RYR2: variants seen among roughly 807,000 people sequenced by gnomAD.
RYR2 encodes the protein ryanodine receptor 2.
Under a neutral mutation model 601.1 loss-of-function variants are expected in RYR2, and 227 were observed. The observed-to-expected ratio is 0.38, with a 90% CI of 0.34 to 0.42. The LOEUF (loss-of-function observed/expected upper bound fraction) is 0.42, where lower values mean the gene tolerates loss of function less well. Among genes scored for constraint, RYR2 ranks in the 10% least tolerant of loss-of-function variants. The pLI, the probability that RYR2 is intolerant of heterozygous loss-of-function variation, is 1.00. For missense variants in RYR2, 4,646 were observed against 6,156.5 expected (o/e 0.75, Z 8.21); for synonymous variants, 2,223 against 2,175.1 (o/e 1.02, Z -0.61).
chr1:237,792,600 T>G (rs1186118304), intron 94 of RYR2, among the ~76,000 whole-genome samples: 1 of 152,168 alleles, frequency 6.6e-6, no homozygotes, highest in Non-Finnish European at 1.5e-5. Flanking sequence ...AAAGCTGGGA[T>G]GCCCCTTCAG....
In RYR2 at chr1:237,480,222, C is replaced by T. The variant is rs530838127; in HGVS notation, c.1708+11035C>T. 2.8e-4 allele frequency among the ~76,000 whole-genome samples: 42 copies of T among 151,836 alleles called. No individual in the cohort carries two copies. In the South Asian group the frequency reaches 7.9e-3, roughly 29 times the overall value. On this transcript the variant is annotated intron_variant, in intron 17 of 104. Transcript: ENST00000366574. ...TCAGTTGGGGTCAGGAGTTTGAGAC[C>T]GTCCTGGCCCACATGGTGAAACCTC...
intron 1 of RYR2, among the ~76,000 whole-genome samples, chr1:237,181,189 G>T (rs1209135325): frequency 6.6e-6 from 1 of 151,824 alleles, no homozygotes; most frequent in African/African-American, 2.4e-5. Context: ...TTACCATTTT[G>T]CCCAGGCTGG....
chr1:237,387,343 C>A lies in RYR2; in HGVS notation c.639C>A (p.Ser213Arg), dbSNP rs375180398. ...VDAAFQQTLW[S>R]VAPISSGSEA... ...CCGCTTTCCAGCAGACTCTCTGGAG[C>A]GTGGCCCCAATCAGCTCAGGAAGTG... The change falls in exon 9 of 105, where the codon AGC becomes AGA. Residue 213 changes from serine to arginine, a missense_variant. By Grantham distance (110) the Ser-to-Arg change is moderately radical. Transcript: ENST00000366574. The A allele has an allele frequency of 2.5e-6, 4 of 1,613,964 alleles. No homozygotes were observed. Among genetic ancestry groups the A allele is most frequent in the Non-Finnish European group, 3.4e-6 (4 of 1,179,870 alleles).
chr1:237,716,193 T>C (rs147992060), intron 71 of RYR2, among the ~76,000 whole-genome samples: 1,604 of 152,246 alleles, frequency 0.011, 18 homozygotes, highest in Middle Eastern at 0.017. Context: ...CTTGTTTCAC[T>C]ACTTTCACTA....
rs869177997 is a variant in RYR2, at chr1:237,123,650, ATTTTTTT to A, written c.48+81103_48+81109del. Among the ~76,000 whole-genome samples, 6 of 78,966 alleles carry A rather than the reference ATTTTTTT, an allele frequency of 7.6e-5. No homozygotes were observed. In the South Asian group the frequency reaches 2.1e-3, roughly 28 times the overall value. The allele number at this position is 78,966 out of a possible 152,430, so 51.8% of individuals were successfully genotyped here. On this transcript the variant is annotated intron_variant, in intron 1 of 104. Coordinates refer to ENST00000366574, the MANE Select transcript of RYR2 (RefSeq NM_001035.3). ...TTCTCCTTTGATCCTATCAGTCACT[ATTTTTTT>A]TTTTTTTTTTTTTTTTTTTTTGAGA...
rs527373828 is a variant in RYR2, at chr1:237,345,676, A to T, written c.274-10289A>T. The stretch of plus-strand genomic sequence containing the variant: ...GATTTCTTTCCTTATATTTATTGTG[A>T]TGACTTTTTAATCATACATTTAAAC... On this transcript the variant is annotated intron_variant, in intron 3 of 104. Transcript: ENST00000366574. 1.3e-3 allele frequency among the ~76,000 whole-genome samples: 196 copies of T among 152,178 alleles called. 1 individual carries two copies. The highest frequency in any genetic ancestry group is 4.5e-3 in the African/African-American group (188 of 41,548).
chr1:237,395,492 C>T (rs1459605648), intron 10 of RYR2, among the ~76,000 whole-genome samples: 2 of 148,666 alleles, frequency 1.3e-5, no homozygotes, highest in South Asian at 2.1e-4. Context: ...TACACGAACA[C>T]AACCAAACTT....
In RYR2 at chr1:237,499,520, G is replaced by T. The variant is rs1293501417; in HGVS notation, c.2204-1191G>T. Among the ~76,000 whole-genome samples, 4 of 152,050 alleles carry T rather than the reference G, an allele frequency of 2.6e-5. No individual in the cohort carries two copies. In the East Asian group the frequency reaches 5.8e-4, roughly 22 times the overall value. On this transcript the variant is annotated intron_variant, in intron 20 of 104. Transcript: ENST00000366574. ...AACATCGCTATTAGCTACAGATCAT[G>T]GTACAAACAAGAAACTAGACCTTTT... is the stretch of plus-strand genomic sequence containing the variant.
At chr1:237,728,273 G>A (rs147793281) in intron 76 of RYR2, among the ~76,000 whole-genome samples, 33 of 152,128 alleles carry the variant, frequency 2.2e-4, no homozygotes, top group Non-Finnish European at 4.4e-4. Flanking sequence ...TCTTGCCATC[G>A]TGTCACACTC....
intron 1 of RYR2, among the ~76,000 whole-genome samples, chr1:237,070,112 C>A (rs1037372418): frequency 6.7e-6 from 1 of 150,236 alleles, no homozygotes; most frequent in African/African-American, 2.5e-5. Context: ...CTCACTGCAG[C>A]CTTGACCTCC....
intron 1 of RYR2, among the ~76,000 whole-genome samples, chr1:237,229,976 CT>C (rs1406396803): frequency 3.3e-5 from 5 of 152,262 alleles, no homozygotes; most frequent in East Asian, 3.9e-4. Context: ...ATAGCCCCCC[CT>C]TTTTTTATAT....
At chr1:237,672,813 T>A (rs923295685) in intron 58 of RYR2, among the ~76,000 whole-genome samples, 1 of 152,242 alleles carries the variant, frequency 6.6e-6, no homozygotes, top group Non-Finnish European at 1.5e-5. Context: ...TTGTGCTTGA[T>A]ATTATTAATA....
intron 67 of RYR2, among the ~76,000 whole-genome samples, chr1:237,706,669 A>G (rs889611754): frequency 1.3e-5 from 2 of 152,196 alleles, no homozygotes; most frequent in Non-Finnish European, 2.9e-5. Context: ...CTTGTAGGTC[A>G]TGAGAGCAGC....
intron 1 of RYR2, among the ~76,000 whole-genome samples, chr1:237,254,857 A>T (rs1687794413): frequency 6.6e-6 from 1 of 152,198 alleles, no homozygotes; most frequent in Admixed American, 6.5e-5. Flanking sequence ...ACTTGCTTTC[A>T]TCTCTGAATA....
At chr1:237,209,841 G>A (rs941613194) in intron 1 of RYR2, among the ~76,000 whole-genome samples, 14 of 152,226 alleles carry the variant, frequency 9.2e-5, no homozygotes, top group Non-Finnish European at 1.6e-4. Flanking sequence ...AGGTGACAGA[G>A]CAAGATCTTG....
intron 1 of RYR2, among the ~76,000 whole-genome samples, chr1:237,243,709 G>A (rs377596250): frequency 1.8e-4 from 27 of 152,340 alleles, no homozygotes; most frequent in African/African-American, 6.3e-4. Context: ...TGGGGCAGGT[G>A]AAAGGAGGGA....
At chr1:237,734,538 G>A (rs1482550464) in intron 79 of RYR2, among the ~76,000 whole-genome samples, 2 of 152,208 alleles carry the variant, frequency 1.3e-5, no homozygotes, top group Non-Finnish European at 1.5e-5. Flanking sequence ...TGGCATAGTA[G>A]TGAGGTCTGC....
intron 47 of RYR2, among the ~76,000 whole-genome samples, chr1:237,642,417 A>G (rs569493129): frequency 6.6e-6 from 1 of 152,344 alleles, no homozygotes; most frequent in South Asian, 2.1e-4. Flanking sequence ...GCTGGAGGTG[A>G]TTACTGACAA....
At chr1:237,535,484 T>TACACATAC (rs1553488498) in intron 25 of RYR2, among the ~76,000 whole-genome samples, 11 of 144,634 alleles carry the variant, frequency 7.6e-5, no homozygotes, top group African/African-American at 1.0e-4. Context: ...CAAACACACA[T>TACACATAC]ACACACACAC....
Sources: allele counts gnomAD v4.1 joint callset (sites outside exome capture counted in the v4.1 genomes callset), GRCh38; gene constraint gnomAD v4.1.1; transcripts MANE v1.5; gene names NCBI Gene and HGNC (gene_info 2026-07-23, HGNC 2026-07-21).